NTM: variants seen among roughly 807,000 people sequenced by gnomAD.
NTM encodes the protein neurotrimin, also known as IgLON family member 2.
NTM carries 13 observed loss-of-function variants against 42.1 expected under a neutral mutation model. The observed-to-expected ratio is 0.31, with a 90% confidence interval of 0.20 to 0.49. The LOEUF (loss-of-function observed/expected upper bound fraction) is 0.49. Ranked by LOEUF, NTM falls within the 20% of genes least tolerant of loss-of-function variation. The pLI is 0.99. For missense variants in NTM, 373 were observed against 452.8 expected (o/e 0.82, Z 1.60); for synonymous variants, 187 against 179.2 (o/e 1.04, Z -0.35).
intron 2 of NTM, among the ~76,000 whole-genome samples, chr11:132,062,070 A>T (rs2080768175): frequency 6.6e-6 from 1 of 152,118 alleles, no homozygotes; most frequent in Non-Finnish European, 1.5e-5. Flanking sequence ...TGATTGGTAG[A>T]CTTCTGAAGC....
intron 1 of NTM, among the ~76,000 whole-genome samples, chr11:131,780,508 C>A (rs1485304340): frequency 2.6e-5 from 4 of 152,102 alleles, no homozygotes; most frequent in Admixed American, 6.5e-5. Flanking sequence ...GGTCTGAGAT[C>A]ACTAGGAGAA....
At chr11:131,550,240 A>G (rs542870685) in intron 1 of NTM, among the ~76,000 whole-genome samples, 5 of 152,358 alleles carry the variant, frequency 3.3e-5, no homozygotes, top group African/African-American at 1.2e-4. Flanking sequence ...TGAGCCCAGG[A>G]GTTTGAGACC....
intron 2 of NTM, among the ~76,000 whole-genome samples, chr11:131,920,744 T>C (rs570393527): frequency 1.6e-4 from 24 of 152,298 alleles, no homozygotes; most frequent in South Asian, 1.0e-3. Flanking sequence ...ATCTTGCTGA[T>C]GGATTTCTTA....
chr11:131,873,180 C>G (rs1412166138), intron 1 of NTM, among the ~76,000 whole-genome samples: 1 of 152,052 alleles, frequency 6.6e-6, no homozygotes, highest in East Asian at 1.9e-4. Flanking sequence ...TACTATGCAG[C>G]CATAAAAATA....
chr11:131,480,690 CAGAA>C (rs981663279), intron 1 of NTM, among the ~76,000 whole-genome samples: 47 of 151,584 alleles, frequency 3.1e-4, no homozygotes, highest in African/African-American at 9.5e-4. Flanking sequence ...GGGAAAAAGT[CAGAA>C]AGGGCATCTA....
chr11:132,139,054 C>T (rs559228583), intron 2 of NTM, among the ~76,000 whole-genome samples: 16 of 152,270 alleles, frequency 1.1e-4, no homozygotes, highest in Non-Finnish European at 1.9e-4. Context: ...ACTGAACTTT[C>T]GGCACTTCTG....
intron 2 of NTM, among the ~76,000 whole-genome samples, chr11:132,051,329 G>A (rs1191349448): frequency 6.6e-6 from 1 of 152,142 alleles, no homozygotes; most frequent in Non-Finnish European, 1.5e-5. Flanking sequence ...TGAGAAAACT[G>A]AGGCCCTGAG....
At chr11:132,314,454 G>C in intron 6 of NTM, 98 bp from the exon 7 acceptor site, 1 of 1,325,306 alleles carries the variant, frequency 7.5e-7, no homozygotes. Flanking sequence ...GTCAGAAAGG[G>C]GGGCAAGGAG....
intron 1 of NTM, among the ~76,000 whole-genome samples, chr11:131,661,548 C>T (rs1592415462): frequency 6.6e-6 from 1 of 152,254 alleles, no homozygotes; most frequent in South Asian, 2.1e-4. Context: ...TTTTTCTATT[C>T]CTGCCTGGTC....
chr11:132,290,573 A>T (rs1290311294), intron 4 of NTM, among the ~76,000 whole-genome samples: 17 of 152,202 alleles, frequency 1.1e-4, no homozygotes, highest in Admixed American at 1.0e-3. Flanking sequence ...GAGAGTGAGG[A>T]ACATATCAGC....
chr11:131,580,993 A>G (rs2058356517), intron 1 of NTM, among the ~76,000 whole-genome samples: 1 of 152,234 alleles, frequency 6.6e-6, no homozygotes, highest in African/African-American at 2.4e-5. Flanking sequence ...GCTTGGAGGC[A>G]GGAAGCAATA....
chr11:132,067,605 G>GA (rs1340399325), intron 2 of NTM, among the ~76,000 whole-genome samples: 1 of 152,224 alleles, frequency 6.6e-6, no homozygotes, highest in African/African-American at 2.4e-5. Flanking sequence ...CCAAAGGGGA[G>GA]AAAATGGAAG....
chr11:132,064,277 T>C (rs949569781), intron 2 of NTM, among the ~76,000 whole-genome samples: 4 of 152,206 alleles, frequency 2.6e-5, no homozygotes, highest in African/African-American at 7.2e-5. Context: ...AGCCCATATA[T>C]AGACTTGGGT....
chr11:132,093,169 C>T (rs970745993), intron 2 of NTM, among the ~76,000 whole-genome samples: 11 of 152,156 alleles, frequency 7.2e-5, no homozygotes, highest in Non-Finnish European at 8.8e-5. Flanking sequence ...CATTTCTACC[C>T]TCGAATCTTC....
At chr11:131,570,811 G>A (rs1378979035) in intron 1 of NTM, among the ~76,000 whole-genome samples, 1 of 152,246 alleles carries the variant, frequency 6.6e-6, no homozygotes, top group African/African-American at 2.4e-5. Context: ...AACAGAGGGA[G>A]ACTCCGTCTC....
At chr11:132,218,369 C>T (rs1351515797) in intron 4 of NTM, among the ~76,000 whole-genome samples, 1 of 152,176 alleles carries the variant, frequency 6.6e-6, no homozygotes, top group Non-Finnish European at 1.5e-5. Context: ...TTGGGTTGCC[C>T]TGTCAGTAAT....
Position 131,589,172 on chromosome 11 carries a change from TG to T in NTM, c.82+218285del, listed in dbSNP as rs2059146782. Among the ~76,000 whole-genome samples the T allele has an allele frequency of 5.5e-4, 81 of 146,444 alleles. 1 individual carries two copies. Among genetic ancestry groups the T allele is most frequent in the Admixed American group, 1.7e-3 (25 of 14,884 alleles). ...GCCACTCTTAACCTGGAAAAATGTGTGTGTGTGTGTGTGTGTGTGTGTGTGT... is the reference window on the plus strand; with the variant it reads ...GCCACTCTTAACCTGGAAAAATGTGTTGTGTGTGTGTGTGTGTGTGTGTGT... On this transcript the variant is annotated intron_variant, in intron 1 of 8. Transcript: ENST00000683400.
chr11:131,764,570 C>T (rs1565518291), intron 1 of NTM, among the ~76,000 whole-genome samples: 1 of 152,152 alleles, frequency 6.6e-6, no homozygotes, highest in African/African-American at 2.4e-5. Flanking sequence ...TGACCTTGAG[C>T]AAATTACCTA....
intron 1 of NTM, among the ~76,000 whole-genome samples, chr11:131,564,459 A>G (rs887835567): frequency 3.2e-5 from 4 of 125,482 alleles, no homozygotes; most frequent in South Asian, 2.5e-4. Context: ...AGAGAGAGGG[A>G]GGGAGAGAGA....
Sources: allele counts gnomAD v4.1 joint callset (sites outside exome capture counted in the v4.1 genomes callset), GRCh38; gene constraint gnomAD v4.1.1; transcripts MANE v1.5; gene names NCBI Gene and HGNC (gene_info 2026-07-23, HGNC 2026-07-21).